The following EPHA6 variants were observed in gnomAD, a reference collection of about 807,000 sequenced individuals.
The protein encoded by EPHA6 is ephrin type-A receptor 6.
Under a neutral mutation model 112.0 loss-of-function variants are expected in EPHA6, and 50 were observed. The observed-to-expected ratio is 0.45, with a 90% CI of 0.36 to 0.56. The LOEUF (loss-of-function observed/expected upper bound fraction) is 0.56. Ranked by LOEUF, EPHA6 falls within the 20% of genes least tolerant of loss-of-function variation. The pLI is 0.00. For missense variants in EPHA6, 1,280 were observed against 1,417.4 expected, an observed-to-expected ratio of 0.90 and a Z score of 1.56; for synonymous variants, 529 against 490.7, an observed-to-expected ratio of 1.08 and a Z score of -1.03.
intron 2 of EPHA6, among the ~76,000 whole-genome samples, chr3:96,938,319 T>C (rs2040721736): frequency 6.6e-6 from 1 of 152,098 alleles, no homozygotes; most frequent in African/African-American, 2.4e-5. Flanking sequence ...GAAGAGGTCC[T>C]TCACATCCCT....
intron 12 of EPHA6, among the ~76,000 whole-genome samples, chr3:97,594,669 G>A (rs2093572319): frequency 6.6e-6 from 1 of 152,112 alleles, no homozygotes. Context: ...TTTGTGTAAA[G>A]AGGAATGAAG....
At chr3:97,282,772 G>A (rs2080329815) in intron 5 of EPHA6, among the ~76,000 whole-genome samples, 1 of 152,170 alleles carries the variant, frequency 6.6e-6, no homozygotes, top group Non-Finnish European at 1.5e-5. Context: ...TCACTCATAA[G>A]TGGAGCTGAA....
intron 5 of EPHA6, among the ~76,000 whole-genome samples, chr3:97,371,742 A>C (rs2085067996): frequency 1.3e-5 from 2 of 152,152 alleles, no homozygotes; most frequent in Admixed American, 1.3e-4. Flanking sequence ...AAATAGGAGA[A>C]ATATTGCTGA....
chr3:97,408,148 C>T (rs1244687241), intron 6 of EPHA6, among the ~76,000 whole-genome samples: 1 of 152,046 alleles, frequency 6.6e-6, no homozygotes, highest in African/African-American at 2.4e-5. Flanking sequence ...GAGGGCCATA[C>T]TTGCCTTTTC....
At chr3:97,701,386 T>C (rs1684636) in intron 14 of EPHA6, among the ~76,000 whole-genome samples, 111,754 of 151,888 alleles carry the variant, frequency 0.74, 41,329 homozygotes, top group Middle Eastern at 0.83. Context: ...GATCAGAGGG[T>C]TTTGGGGGCA....
intron 3 of EPHA6, among the ~76,000 whole-genome samples, chr3:97,087,129 A>G (rs1293273848): frequency 6.6e-6 from 1 of 152,184 alleles, no homozygotes; most frequent in African/African-American, 2.4e-5. Context: ...GAAGGAAAAG[A>G]CACAGATGGC....
chr3:96,991,038 G>A (rs990722277), intron 3 of EPHA6, among the ~76,000 whole-genome samples: 1 of 151,890 alleles, frequency 6.6e-6, no homozygotes, highest in Non-Finnish European at 1.5e-5. Flanking sequence ...CACCCAGGCT[G>A]GAGTGCACTG....
chr3:96,963,638 ACT>A (rs775864837), intron 2 of EPHA6, among the ~76,000 whole-genome samples: 6 of 152,074 alleles, frequency 3.9e-5, no homozygotes, highest in Non-Finnish European at 8.8e-5. Context: ...TTTCCAGAAA[ACT>A]CATCATCTGT....
chr3:97,399,523 T>C (rs1285711212), intron 5 of EPHA6, among the ~76,000 whole-genome samples: 2 of 151,652 alleles, frequency 1.3e-5, no homozygotes, highest in African/African-American at 4.8e-5. Context: ...CTATTTTTCA[T>C]AATGACTGCA....
At position 97,651,854 on chromosome 3, in the gene EPHA6, C is replaced by CT. The variant is rs575519837; in HGVS notation, c.2784+13782dup. On this transcript the variant is annotated intron_variant, in intron 14 of 17. Transcript: ENST00000389672. ...CATGCTGACTTTATTTTTTTTGTAA[C>CT]TTTTTTTTTTAGGTTCAGAGGTTTA... Among the ~76,000 whole-genome samples, 64 of 148,364 alleles carry CT rather than the reference C, an allele frequency of 4.3e-4. 1 individual carries two copies. The highest frequency in any genetic ancestry group is 6.0e-4 in the Non-Finnish European group (40 of 66,708).
intron 14 of EPHA6, among the ~76,000 whole-genome samples, chr3:97,698,545 A>G (rs2033181050): frequency 6.6e-6 from 1 of 152,220 alleles, no homozygotes; most frequent in African/African-American, 2.4e-5. Flanking sequence ...GTGACACAAT[A>G]AATTTCAGGA....
chr3:97,727,657 C>A (rs2220274), intron 15 of EPHA6, among the ~76,000 whole-genome samples: 149,224 of 152,076 alleles, frequency 0.98, 73,235 homozygotes, highest in East Asian at 0.99. Flanking sequence ...CTATTATTTC[C>A]ACCTTCTATA....
chr3:97,218,556 C>A (rs1249530409), intron 3 of EPHA6, among the ~76,000 whole-genome samples: 1 of 152,090 alleles, frequency 6.6e-6, no homozygotes, highest in Admixed American at 6.5e-5. Flanking sequence ...CACTCACTAT[C>A]ATGAGAATAG....
intron 7 of EPHA6, among the ~76,000 whole-genome samples, chr3:97,457,620 A>G (rs953309971): frequency 8.5e-5 from 13 of 152,202 alleles, no homozygotes; most frequent in Non-Finnish European, 1.8e-4. Context: ...AAAATCATTT[A>G]AAATTATCTA....
At chr3:97,216,736 A>C (rs1239858761) in intron 3 of EPHA6, among the ~76,000 whole-genome samples, 1 of 152,218 alleles carries the variant, frequency 6.6e-6, no homozygotes, top group African/African-American at 2.4e-5. Context: ...TCTCAGAAAC[A>C]TTTGGTATTG....
intron 3 of EPHA6, among the ~76,000 whole-genome samples, chr3:97,110,627 C>T (rs910888185): frequency 3.3e-5 from 5 of 151,932 alleles, no homozygotes; most frequent in African/African-American, 9.7e-5. Context: ...AGGGTTCAAG[C>T]GATCCTCCCT....
chr3:97,250,707 G>C (rs1576770315), intron 5 of EPHA6, among the ~76,000 whole-genome samples: 1 of 151,974 alleles, frequency 6.6e-6, no homozygotes, highest in East Asian at 1.9e-4. Context: ...TAACAAACTG[G>C]CACATTTTCA....
At chr3:97,028,029 C>A (rs2044702732) in intron 3 of EPHA6, among the ~76,000 whole-genome samples, 2 of 152,216 alleles carry the variant, frequency 1.3e-5, no homozygotes, top group South Asian at 2.1e-4. Flanking sequence ...GCACTTTAAA[C>A]AACTTTGGCA....
At chr3:97,047,124 A>G (rs16837962) in intron 3 of EPHA6, among the ~76,000 whole-genome samples, 9,580 of 152,120 alleles carry the variant, frequency 0.063, 697 homozygotes, top group East Asian at 0.39. Flanking sequence ...TAGGGTGTAT[A>G]TGGATTTCTG....
Sources: allele counts gnomAD v4.1 joint callset (sites outside exome capture counted in the v4.1 genomes callset), GRCh38; gene constraint gnomAD v4.1.1; transcripts MANE v1.5; gene names NCBI Gene and HGNC (gene_info 2026-07-23, HGNC 2026-07-21).